EQTN: variants seen among roughly 807,000 people sequenced by gnomAD.
The protein encoded by EQTN is Acrosome formation associated factor.
A neutral mutation model predicts 26.9 loss-of-function variants in EQTN; 29 were observed. The ratio of observed to expected loss-of-function variants is 1.08; its 90% confidence interval spans 0.80 to 1.47. EQTN has a LOEUF of 1.47. Among genes scored for constraint, EQTN ranks in the 40% most tolerant of loss-of-function variants. The pLI is 0.00. For synonymous variants in EQTN, 129 were observed against 120.0 expected (o/e 1.07, Z -0.49); for missense variants, 391 against 346.1 (o/e 1.13, Z -1.03).
At position 27,292,421 on chromosome 9, in the gene EQTN, G is replaced by T. The variant is rs766619273; in HGVS notation, c.356C>A (p.Pro119His). Residue 119 changes from proline (P) to histidine (H), a missense_variant, in exon 4 of 8, where the codon CCC (proline) becomes CAC (histidine). Physicochemically the swap from Pro to His is moderately conservative, Grantham distance 77. Transcript: ENST00000380032. ...TIEEETTTSE[P>H]SHKNIQRSTP... ...AATACTTTGAATATTTTTATGAGAG[G>T]GTTCGCTAGTAGTTGTTTCTTCTTC... The T allele has an allele frequency of 3.7e-6, 6 of 1,604,154 alleles. No individual in the cohort carries two copies. Among genetic ancestry groups the T allele is most frequent in the Admixed American group, 1.7e-5 (1 of 59,560 alleles).
intron 2 of EQTN, 160 bp from the exon 3 acceptor site, chr9:27,294,562 C>A: frequency 4.8e-6 from 2 of 414,578 alleles, no homozygotes; most frequent in East Asian, 7.0e-5. Context: ...GAAAGTGGGG[C>A]AAGGGTCAAA....
intron 7 of EQTN, 94 bp from the exon 8 acceptor site, chr9:27,285,066 A>G (rs1820090336): frequency 1.8e-6 from 2 of 1,125,154 alleles, no homozygotes; most frequent in East Asian, 2.6e-5. Context: ...AAATATACGA[A>G]TTTTGCCCAA....
chr9:27,292,512 C>A, intron 3 of EQTN, 25 bp from the exon 4 acceptor site: 1 of 1,446,576 alleles, frequency 6.9e-7, no homozygotes, highest in Admixed American at 1.8e-5. Context: ...AAAGAATTAT[C>A]AGCATGTAAA....
intron 3 of EQTN, among the ~76,000 whole-genome samples, chr9:27,294,038 G>C (rs530666091): frequency 1.3e-5 from 2 of 152,284 alleles, no homozygotes; most frequent in Admixed American, 6.5e-5. Context: ...TAAACCATAT[G>C]TATGAGGTTT....
chr9:27,294,614 C>A, intron 2 of EQTN: 1 of 328,382 alleles, frequency 3.0e-6, no homozygotes, highest in Non-Finnish European at 5.5e-6. Flanking sequence ...ATCTTTATGC[C>A]AAATGACCCT....
intron 6 of EQTN, 25 bp from the exon 7 acceptor site, chr9:27,286,387 A>G: frequency 4.5e-6 from 7 of 1,564,626 alleles, no homozygotes; most frequent in Non-Finnish European, 6.1e-6. Flanking sequence ...AATGCAGTGG[A>G]AAATAGGGTG....
intron 2 of EQTN, among the ~76,000 whole-genome samples, chr9:27,295,634 C>A (rs905688650): frequency 6.6e-6 from 1 of 151,746 alleles, no homozygotes; most frequent in African/African-American, 2.4e-5. Flanking sequence ...GAGATCGAGA[C>A]CATCCTGGCT....
intron 5 of EQTN, among the ~76,000 whole-genome samples, chr9:27,290,747 G>C (rs183597564): frequency 6.6e-6 from 1 of 152,312 alleles, no homozygotes; most frequent in African/African-American, 2.4e-5. Flanking sequence ...GAATGATATT[G>C]AGCAAGAATC....
chr9:27,284,823 C>A lies in EQTN; in HGVS notation c.785G>T (p.Arg262Ile), dbSNP rs779387204. The A allele has an allele frequency of 1.1e-5, 17 of 1,613,980 alleles. No individual in the cohort carries two copies. The highest frequency in any genetic ancestry group is 1.7e-5 in the Admixed American group (1 of 59,994). ...AGATTCTGATGTTCTTGTGCCTGATCTTCTCATATCTGAAGAAGTGGTACC... is the reference window on the plus strand; with the variant it reads ...AGATTCTGATGTTCTTGTGCCTGATATTCTCATATCTGAAGAAGTGGTACC... Reference protein sequence around the residue: ...FLGTTSSDMRRSGTRTSESKI... With the variant: ...FLGTTSSDMRISGTRTSESKI... Residue 262 changes from arginine (R) to isoleucine (I), a missense_variant, in exon 8 of 8, where the codon AGA becomes ATA. Arg to Ile is a moderately conservative substitution (Grantham distance 97, BLOSUM62 -3). Coordinates refer to ENST00000380032, the MANE Select transcript of EQTN (RefSeq NM_020641.3).
intron 4 of EQTN, among the ~76,000 whole-genome samples, chr9:27,291,312 C>A (rs151098075): frequency 6.6e-6 from 1 of 152,124 alleles, no homozygotes; most frequent in Admixed American, 6.5e-5. Flanking sequence ...TTAATGAAGG[C>A]GTTAATGGAA....
Position 27,296,634 on chromosome 9 carries a change from A to T in EQTN, c.181T>A (p.Tyr61Asn). The T allele has an allele frequency of 1.3e-6, 2 of 1,546,916 alleles. No homozygotes were observed. The highest frequency in any genetic ancestry group is 1.8e-6 in the Non-Finnish European group (2 of 1,123,878). The change falls in exon 2 of 8, where the codon TAT becomes AAT. Residue 61 changes from tyrosine to asparagine, a missense_variant. Tyr to Asn is a moderately radical substitution (Grantham distance 143). Coordinates refer to ENST00000380032, the MANE Select transcript of EQTN (RefSeq NM_020641.3). ...TTACATTGTTTTATATCTTTATAAT[A>T]ATTGCCATTTTTCTCATTAGCAGGA... ...YAPANEKNGN[Y>N]YKDIKQYVFT... is the part of the protein sequence containing the mutation.
intron 6 of EQTN, among the ~76,000 whole-genome samples, chr9:27,288,108 C>G (rs1486825572): frequency 6.6e-6 from 1 of 152,124 alleles, no homozygotes; most frequent in Non-Finnish European, 1.5e-5. Flanking sequence ...ACTCAATTTT[C>G]TTGAAGCGCC....
chr9:27,292,531 C>A, intron 3 of EQTN, 44 bp from the exon 4 acceptor site: 23 of 1,133,948 alleles, frequency 2.0e-5, no homozygotes, highest in East Asian at 1.2e-4. Flanking sequence ...AAAATACTGA[C>A]GAAACATCTG....
intron 5 of EQTN, 41 bp from the exon 6 acceptor site, chr9:27,289,772 T>A (rs1820194156): frequency 6.5e-7 from 1 of 1,532,132 alleles, no homozygotes; most frequent in Non-Finnish European, 9.0e-7. Context: ...AACGTTCACT[T>A]ACTAAAATTA....
intron 7 of EQTN, among the ~76,000 whole-genome samples, chr9:27,285,310 AT>A (rs1563830175): frequency 6.6e-6 from 1 of 151,596 alleles, no homozygotes; most frequent in African/African-American, 2.4e-5. Flanking sequence ...TGCCCAGCTA[AT>A]TTTTGTATTT....
intron 3 of EQTN, among the ~76,000 whole-genome samples, chr9:27,293,378 T>C (rs1820276419): frequency 6.6e-6 from 1 of 152,220 alleles, no homozygotes. Context: ...TTCAGAGTTT[T>C]AGGGACTATA....
rs563936445 is a variant in EQTN, at chr9:27,292,148, C to T, written c.376+253G>A. 4.3e-5 allele frequency: 10 copies of T among 234,138 alleles called. No individual in the cohort carries two copies. In the East Asian group the frequency reaches 8.0e-4, roughly 19 times the overall value. 14.5% of individuals were successfully genotyped at this position (234,138 alleles called of 1,614,324 possible). ...TGTAAGTACGTATTTAATATAGACACAAATGTAACACATTTTTATTAAAAT... is the reference window on the plus strand; with the variant it reads ...TGTAAGTACGTATTTAATATAGACATAAATGTAACACATTTTTATTAAAAT... On this transcript the variant is annotated intron_variant, in intron 4 of 7. Coordinates refer to ENST00000380032, the MANE Select transcript of EQTN (RefSeq NM_020641.3).
chr9:27,291,888 T>A (rs1433436948), intron 4 of EQTN, among the ~76,000 whole-genome samples: 3 of 152,130 alleles, frequency 2.0e-5, no homozygotes, highest in African/African-American at 7.2e-5. Context: ...CCATCCTGGG[T>A]TGTTATGGCT....
chr9:27,286,401 A>G, intron 6 of EQTN, 39 bp from the exon 7 acceptor site: 1 of 1,550,632 alleles, frequency 6.4e-7, no homozygotes, highest in Non-Finnish European at 8.7e-7. Context: ...TAGGGTGTTC[A>G]GTGTGTTCTC....
Sources: allele counts gnomAD v4.1 joint callset (sites outside exome capture counted in the v4.1 genomes callset), GRCh38; gene constraint gnomAD v4.1.1; transcripts MANE v1.5; gene names NCBI Gene and HGNC (gene_info 2026-07-23, HGNC 2026-07-21).